Variants in RSF1 observed in about 807,000 individuals in gnomAD.
RSF1 encodes remodeling and spacing factor 1, also known as HBV pX-associated protein 8.
In RSF1, 13 loss-of-function variants were observed where a neutral mutation model predicts 145.2. That is an observed-to-expected ratio of 0.09 (90% CI 0.06 to 0.14). The LOEUF (loss-of-function observed/expected upper bound fraction) is 0.14, where lower values mean the gene tolerates loss of function less well. RSF1 is among the 10% of genes least tolerant of loss of function. The pLI, the probability that RSF1 is intolerant of heterozygous loss-of-function variation, is 1.00. For missense variants in RSF1, 1,517 were observed against 1,718.2 expected, an observed-to-expected ratio of 0.88 and a Z score of 2.07; for synonymous variants, 577 against 592.6, an observed-to-expected ratio of 0.97 and a Z score of 0.38.
Position 77,708,691 on chromosome 11 carries a change from T to G in RSF1, c.734-6196A>C, listed in dbSNP as rs183308162. Among the ~76,000 whole-genome samples, 289 of 152,314 alleles carry G rather than the reference T, an allele frequency of 1.9e-3. 4 individuals are homozygous for G. Among genetic ancestry groups the G allele is most frequent in the African/African-American group, 6.8e-3 (281 of 41,572 alleles). On this transcript the variant is annotated intron_variant, in intron 5 of 15. Transcript: ENST00000308488. ...GCTCTTCAAGGCCATCCCATTTTAT[T>G]CAGATTCAAAACCAAAATTGTCAAT...
chr11:77,712,697 TTACATC>T (rs1372819526), intron 5 of RSF1, among the ~76,000 whole-genome samples: 1 of 152,240 alleles, frequency 6.6e-6, no homozygotes, highest in African/African-American at 2.4e-5. Flanking sequence ...ACTTCCCTCA[TTACATC>T]TACATGTTTT....
At chr11:77,793,561 T>C (rs1335415101) in intron 1 of RSF1, among the ~76,000 whole-genome samples, 1 of 152,016 alleles carries the variant, frequency 6.6e-6, no homozygotes, top group South Asian at 2.1e-4. Flanking sequence ...AAGACACATA[T>C]AGACTAAAAG....
At chr11:77,835,138 G>C in the RSF1 span, among the ~76,000 whole-genome samples, 1 of 152,166 alleles carries the variant, frequency 6.6e-6, no homozygotes, top group Non-Finnish European at 1.5e-5. Context: ...TTGCAATTGA[G>C]TGTGACCACA....
chr11:77,842,705 G>A, the RSF1 span: 17 of 1,563,436 alleles, frequency 1.1e-5, no homozygotes, highest in Middle Eastern at 1.7e-4. Context: ...CAATGACTAA[G>A]TGAAAAACTA....
intron 2 of RSF1, among the ~76,000 whole-genome samples, chr11:77,755,608 C>A (rs1307231810): frequency 6.7e-6 from 1 of 150,052 alleles, no homozygotes; most frequent in African/African-American, 2.5e-5. Flanking sequence ...GAGATAGAGT[C>A]TTGCTCTGTT....
At chr11:77,698,867 C>T (rs1412744805) in intron 6 of RSF1, among the ~76,000 whole-genome samples, 174 bp from the exon 7 acceptor site, 2 of 152,052 alleles carry the variant, frequency 1.3e-5, no homozygotes, top group Non-Finnish European at 2.9e-5. Flanking sequence ...TATATATTTC[C>T]ACTATTTTTT....
intron 1 of RSF1, among the ~76,000 whole-genome samples, chr11:77,806,292 T>A (rs751159138): frequency 6.6e-6 from 1 of 151,814 alleles, no homozygotes; most frequent in African/African-American, 2.4e-5. Flanking sequence ...TTGGGAAAGA[T>A]AAATAAAAAA....
chr11:77,792,134 TCA>T (rs1948523712), intron 1 of RSF1, among the ~76,000 whole-genome samples: 1 of 152,080 alleles, frequency 6.6e-6, no homozygotes, highest in African/African-American at 2.4e-5. Context: ...GAGGAGCAAC[TCA>T]CACACTATGT....
intron 1 of RSF1, among the ~76,000 whole-genome samples, chr11:77,792,007 T>C (rs1406353839): frequency 6.6e-6 from 1 of 152,220 alleles, no homozygotes; most frequent in East Asian, 1.9e-4. Flanking sequence ...TATTACTCTG[T>C]TGTCATGCTG....
chr11:77,767,085 C>G (rs1418165004), intron 1 of RSF1, among the ~76,000 whole-genome samples: 1 of 152,176 alleles, frequency 6.6e-6, no homozygotes, highest in Non-Finnish European at 1.5e-5. Flanking sequence ...TGGTCAAGTC[C>G]TTTAAACAAT....
At chr11:77,820,844 C>G (rs11820337), upstream of RSF1, 119 of 963,040 alleles carry the variant, frequency 1.2e-4, no homozygotes, top group Non-Finnish European at 1.7e-4. Flanking sequence ...CCCAGCGTCT[C>G]AGGGACGGCT....
intron 5 of RSF1, among the ~76,000 whole-genome samples, chr11:77,722,534 G>C (rs1010555990): frequency 2.0e-5 from 3 of 152,140 alleles, no homozygotes; most frequent in African/African-American, 7.2e-5. Context: ...TAAAGTTTGA[G>C]AAGTACTACT....
chr11:77,815,343 A>G (rs945618943), intron 1 of RSF1, among the ~76,000 whole-genome samples: 3 of 152,238 alleles, frequency 2.0e-5, no homozygotes, highest in Admixed American at 6.5e-5. Context: ...AATAGAAAAT[A>G]CCCTAATACC....
the RSF1 span, chr11:77,869,877 T>C: frequency 2.0e-6 from 3 of 1,521,248 alleles, no homozygotes; most frequent in South Asian, 3.4e-5. Flanking sequence ...GGCCTTTGTC[T>C]TACAGACTTG....
chr11:77,768,521 C>G (rs1001223663), intron 1 of RSF1, among the ~76,000 whole-genome samples: 3 of 152,140 alleles, frequency 2.0e-5, no homozygotes, highest in African/African-American at 7.2e-5. Context: ...ACTTTTCAGA[C>G]TATTTAAAAT....
rs12281644 is a variant in RSF1, at chr11:77,738,062, G to A, written c.578+2669C>T. ...AAGAATGGCGTGAACCCGGAAGGCG[G>A]AGCTTGCAGTGAGCCAAGATCGCGC... On this transcript the variant is annotated intron_variant, in intron 4 of 15. Transcript: ENST00000308488. Among the ~76,000 whole-genome samples the A allele has an allele frequency of 1.4e-3, 218 of 152,344 alleles. 1 individual carries two copies. The highest frequency in any genetic ancestry group is 5.1e-3 in the African/African-American group (214 of 41,578).
At chr11:77,817,069 G>A (rs1218551600) in intron 1 of RSF1, among the ~76,000 whole-genome samples, 1 of 152,046 alleles carries the variant, frequency 6.6e-6, no homozygotes, top group African/African-American at 2.4e-5. Flanking sequence ...TTCTTGCCCC[G>A]AAATTCAATG....
the RSF1 span, among the ~76,000 whole-genome samples, chr11:77,848,875 T>G: frequency 2.0e-5 from 3 of 152,126 alleles, no homozygotes; most frequent in Non-Finnish European, 4.4e-5. Flanking sequence ...AACCTCAACC[T>G]CTTAGATTCA....
At chr11:77,827,852 T>C in the RSF1 span, among the ~76,000 whole-genome samples, 2 of 152,186 alleles carry the variant, frequency 1.3e-5, no homozygotes, top group African/African-American at 2.4e-5. Flanking sequence ...TTACTGATCT[T>C]GTATGTAGGA....
Sources: gnomAD v4.1 joint callset for allele counts (sites outside exome capture counted in the v4.1 genomes callset) on GRCh38, gnomAD v4.1.1 for gene constraint, MANE v1.5 for transcripts, NCBI Gene and HGNC (gene_info 2026-07-23, HGNC 2026-07-21) for gene names.